Variants in SGCD observed in about 807,000 individuals in gnomAD.
SGCD encodes the protein sarcoglycan delta, also known as delta-sarcoglycan.
In SGCD, 18 loss-of-function variants were observed where a neutral mutation model predicts 36.6. That is an observed-to-expected ratio of 0.49 (90% CI 0.34 to 0.73). SGCD has a LOEUF of 0.73. SGCD is among the 30% of genes least tolerant of loss of function. The pLI is 0.01. For synonymous variants in SGCD, 133 were observed against 130.6 expected (o/e 1.02, Z -0.12); for missense variants, 387 against 346.7 (o/e 1.12, Z -0.92).
Position 156,761,054 on chromosome 5 carries a change from G to T in SGCD, c.*1664G>T, listed in dbSNP as rs543248860. ...TGAAGTAGTATTTGTAGGCCTGGGT[G>T]GCATTTGGATTTTTCTTTTCCCTCA... On this transcript the variant is annotated 3_prime_UTR_variant, in exon 9 of 9. Transcript: ENST00000337851. 13 of 152,276 alleles carry T rather than the reference G, an allele frequency of 8.5e-5. No homozygotes were observed. Among genetic ancestry groups the T allele is most frequent in the African/African-American group, 3.1e-4 (13 of 41,544 alleles). The allele number at this position is 152,276 out of a possible 1,614,324, so 9.4% of individuals were successfully genotyped here.
chr5:156,215,977 A>T (rs1561569333), intron 3 of SGCD, among the ~76,000 whole-genome samples: 1 of 152,224 alleles, frequency 6.6e-6, no homozygotes, highest in Non-Finnish European at 1.5e-5. Flanking sequence ...CATGGTATAT[A>T]TACATAATGG....
intron 3 of SGCD, among the ~76,000 whole-genome samples, chr5:156,466,608 G>A (rs1754729914): frequency 6.6e-6 from 1 of 152,132 alleles, no homozygotes; most frequent in South Asian, 2.1e-4. Flanking sequence ...CTTACTAGAT[G>A]TGTGGGCTTG....
chr5:156,194,875 TG>T (rs1236193941), intron 3 of SGCD, among the ~76,000 whole-genome samples: 1 of 152,104 alleles, frequency 6.6e-6, no homozygotes, highest in Non-Finnish European at 1.5e-5. Flanking sequence ...TATAGGATTA[TG>T]GTGAACAATA....
intron 7 of SGCD, among the ~76,000 whole-genome samples, chr5:156,742,830 T>C (rs1460863062): frequency 1.3e-5 from 2 of 152,180 alleles, no homozygotes; most frequent in Non-Finnish European, 2.9e-5. Context: ...TATCTCTTGC[T>C]CAGTTTTTTG....
intron 1 of SGCD, among the ~76,000 whole-genome samples, chr5:155,916,038 A>G (rs768016185): frequency 4.6e-5 from 7 of 152,318 alleles, no homozygotes; most frequent in Middle Eastern, 3.4e-3. Context: ...TTAAGCAGCC[A>G]TTTTTACAAG....
intron 4 of SGCD, among the ~76,000 whole-genome samples, chr5:156,542,433 T>G (rs980378902): frequency 1.3e-5 from 2 of 152,270 alleles, no homozygotes; most frequent in East Asian, 3.9e-4. Context: ...TACATCTAAA[T>G]GCAAGAATTT....
At position 156,453,898 on chromosome 5, in the gene SGCD, A is replaced by C. The variant is rs1405634396; in HGVS notation, c.193-54703A>C. ...AACTTTATTTGTACAAAATTCTAGA[A>C]CATGAAAACTAATCTACGATAAGAG... On this transcript the variant is annotated intron_variant, in intron 3 of 8. Coordinates refer to ENST00000337851, the MANE Select transcript of SGCD (RefSeq NM_000337.6). Among the ~76,000 whole-genome samples, 6 of 152,190 alleles carry C rather than the reference A, an allele frequency of 3.9e-5. No individual in the cohort carries two copies. In the East Asian group the frequency reaches 5.8e-4, roughly 15 times the overall value.
intron 1 of SGCD, among the ~76,000 whole-genome samples, chr5:155,962,881 C>T (rs556456111): frequency 1.2e-4 from 18 of 152,260 alleles, no homozygotes; most frequent in African/African-American, 3.1e-4. Context: ...TCAAAGTAGT[C>T]GCCTTAGCAA....
chr5:156,667,882 C>T (rs1349486152), intron 7 of SGCD, among the ~76,000 whole-genome samples: 2 of 152,172 alleles, frequency 1.3e-5, no homozygotes, highest in African/African-American at 2.4e-5. Flanking sequence ...AAGTTTGTAT[C>T]AAATCATGGT....
rs1333541203 is a variant in SGCD at position 156,662,707 on chromosome 5, G to GCCCCATGGGTTGAATTA, written c.575+15173_575+15189dup. Among the ~76,000 whole-genome samples, 71 of 150,102 alleles carry GCCCCATGGGTTGAATTA rather than the reference G, an allele frequency of 4.7e-4. No homozygotes were observed. The East Asian group carries it at 0.013, about 27-fold the overall frequency. ...GGAGAGGGCAACCCGGGTTGGAGAG[G>GCCCCATGGGTTGAATTA]CCCCATGGGTTGAATTACGGCGTTT... On this transcript the variant is annotated intron_variant, in intron 7 of 8. Coordinates refer to ENST00000337851, the MANE Select transcript of SGCD (RefSeq NM_000337.6).
intron 1 of SGCD, among the ~76,000 whole-genome samples, chr5:155,915,142 C>T (rs1756710076): frequency 6.6e-6 from 1 of 152,132 alleles, no homozygotes; most frequent in South Asian, 2.1e-4. Context: ...ATTAAAACAA[C>T]CCAAAGCAGT....
chr5:156,246,593 G>A (rs1765445782), intron 3 of SGCD, among the ~76,000 whole-genome samples: 1 of 152,080 alleles, frequency 6.6e-6, no homozygotes, highest in South Asian at 2.1e-4. Flanking sequence ...TGTGGAAACT[G>A]TTTCATATAA....
the SGCD span, among the ~76,000 whole-genome samples, chr5:155,827,671 TC>T: frequency 2.3e-4 from 27 of 119,410 alleles, no homozygotes; most frequent in Admixed American, 2.0e-3. Context: ...TCTAAATAAT[TC>T]TTTTTTTTTT....
chr5:156,653,493 C>CTT lies in SGCD; in HGVS notation c.575+5971_575+5972dup, dbSNP rs111458843. 8.3e-5 allele frequency among the ~76,000 whole-genome samples: 4 copies of CTT among 48,080 alleles called. 1 individual carries two copies. Among genetic ancestry groups the CTT allele is most frequent in the African/African-American group, 1.9e-4 (3 of 15,546 alleles). The allele number at this position is 48,080 out of a possible 152,430, so 31.5% of individuals were successfully genotyped here. On this transcript the variant is annotated intron_variant, in intron 7 of 8. Coordinates refer to ENST00000337851, the MANE Select transcript of SGCD (RefSeq NM_000337.6). ...TTTTCTTACGTAATTCTAAAGCTTG[C>CTT]TTTTTTTTTTTTTTTGCCCCTGTTG...
chr5:156,378,906 A>G (rs913737855), intron 3 of SGCD, among the ~76,000 whole-genome samples: 24 of 152,204 alleles, frequency 1.6e-4, no homozygotes, highest in African/African-American at 5.8e-4. Flanking sequence ...ATAATTCTAA[A>G]GTATAAAATC....
intron 3 of SGCD, among the ~76,000 whole-genome samples, chr5:156,150,192 A>C (rs538861389): frequency 2.7e-5 from 4 of 147,552 alleles, no homozygotes; most frequent in African/African-American, 8.0e-5. Context: ...TCTTTTTGCA[A>C]CTCCTTTTGG....
intron 7 of SGCD, among the ~76,000 whole-genome samples, chr5:156,735,901 C>T (rs899671239): frequency 2.6e-5 from 4 of 152,142 alleles, no homozygotes; most frequent in Admixed American, 1.3e-4. Context: ...TGCCAAGACT[C>T]CATGTAGCTC....
chr5:156,641,596 G>A (rs554911791), intron 6 of SGCD, among the ~76,000 whole-genome samples: 5 of 152,136 alleles, frequency 3.3e-5, no homozygotes, highest in South Asian at 2.1e-4. Context: ...TTAAGTAAAG[G>A]CAATTTCTAT....
intron 3 of SGCD, among the ~76,000 whole-genome samples, chr5:156,256,462 A>C (rs7725829): frequency 6.6e-6 from 1 of 151,954 alleles, no homozygotes; most frequent in South Asian, 2.1e-4. Flanking sequence ...CTCACTTAAC[A>C]TCATGCTTTC....
Sources: allele counts gnomAD v4.1 joint callset (sites outside exome capture counted in the v4.1 genomes callset), GRCh38; gene constraint gnomAD v4.1.1; transcripts MANE v1.5; gene names NCBI Gene and HGNC (gene_info 2026-07-23, HGNC 2026-07-21).